The following CDK12 variants were observed in gnomAD, a reference collection of about 807,000 sequenced individuals.
CDK12 encodes cyclin-dependent kinase 12.
Under a neutral mutation model 133.8 loss-of-function variants are expected in CDK12, and 17 were observed. The observed-to-expected ratio is 0.13, with a 90% CI of 0.09 to 0.19. The LOEUF (loss-of-function observed/expected upper bound fraction) is 0.19, where lower values mean the gene tolerates loss of function less well. Among genes scored for constraint, CDK12 ranks in the 10% least tolerant of loss-of-function variants. The pLI is 1.00. For synonymous variants in CDK12, 694 were observed against 683.6 expected (o/e 1.02, Z -0.24); for missense variants, 1,508 against 1,818.7 (o/e 0.83, Z 3.11).
chr17:39,524,908 T>C (rs753775457), intron 12 of CDK12, 23 bp downstream of exon 12: 5 of 1,584,822 alleles, frequency 3.2e-6, no homozygotes, highest in East Asian at 2.2e-5. Context: ...ATGGGGCCTT[T>C]GTGCTTTTGC....
Position 39,463,104 on chromosome 17 carries a change from A to AGTCCACTCCCCAGGTGAGCTATTTGTCT in CDK12, c.1034_1046+15dup. On this transcript the variant is annotated stop_gained and frameshift_variant, in exon 1 of 14. Transcript: ENST00000447079. LOFTEE classifies it high-confidence loss of function. ...CCTGAGCAAGCGGTCTCTGAGTCGG[A>AGTCCACTCCCCAGGTGAGCTATTTGTCT]GTCCACTCCCCAGGTGAGCTATTTG... 1.2e-6 allele frequency: 2 copies of AGTCCACTCCCCAGGTGAGCTATTTGTCT among 1,613,974 alleles called. No individual in the cohort carries two copies. The highest frequency in any genetic ancestry group is 2.2e-5 in the South Asian group (2 of 91,078).
chr17:39,482,031 T>TTTTTTTTTTTTTTTC (rs1567707439), intron 2 of CDK12, among the ~76,000 whole-genome samples: 3 of 147,920 alleles, frequency 2.0e-5, no homozygotes, highest in African/African-American at 4.9e-5. Flanking sequence ...TTTTTTTTTT[T>TTTTTTTTTTTTTTTC]AACAGAGTTT....
intron 7 of CDK12, among the ~76,000 whole-genome samples, chr17:39,511,209 C>T (rs1285433524): frequency 3.4e-5 from 3 of 89,486 alleles, no homozygotes; most frequent in Non-Finnish European, 4.6e-5. Context: ...AGCAAGACAC[C>T]GTCTCAAAAA....
intron 2 of CDK12, 95 bp from the exon 3 acceptor site, chr17:39,490,462 C>G: frequency 1.3e-6 from 1 of 768,294 alleles, no homozygotes. Flanking sequence ...TTAGATCTTT[C>G]TAACCTTTTC....
intron 2 of CDK12, among the ~76,000 whole-genome samples, chr17:39,474,212 A>G (rs1331778286): frequency 6.6e-6 from 1 of 152,218 alleles, no homozygotes; most frequent in Non-Finnish European, 1.5e-5. Context: ...TGTGAATTGC[A>G]TTTATTGAAA....
intron 2 of CDK12, among the ~76,000 whole-genome samples, chr17:39,483,914 G>A (rs2050922077): frequency 6.6e-6 from 1 of 151,666 alleles, no homozygotes; most frequent in Admixed American, 6.6e-5. Flanking sequence ...CATGATCTTG[G>A]CTCACTGCAA....
chr17:39,473,739 G>A (rs993445263), intron 2 of CDK12, among the ~76,000 whole-genome samples: 1 of 152,136 alleles, frequency 6.6e-6, no homozygotes, highest in Admixed American at 6.6e-5. Context: ...ACAAAAATTA[G>A]CTGGGCGTGG....
chr17:39,482,526 C>T (rs1426866726), intron 2 of CDK12, among the ~76,000 whole-genome samples: 1 of 149,484 alleles, frequency 6.7e-6, no homozygotes. Flanking sequence ...CATCTTTGTG[C>T]AGGGGCCATG....
intron 1 of CDK12, among the ~76,000 whole-genome samples, chr17:39,469,957 G>A (rs536106619): frequency 6.6e-6 from 1 of 151,902 alleles, no homozygotes; most frequent in East Asian, 1.9e-4. Flanking sequence ...GCCTTATCCT[G>A]TTTTCACTTT....
chr17:39,544,871 C>A (rs182376139), upstream of CDK12, among the ~76,000 whole-genome samples: 135 of 152,168 alleles, frequency 8.9e-4, no homozygotes, highest in African/African-American at 3.0e-3. Context: ...CTCAGGTAAT[C>A]CGCCCGCCTC....
rs2054818501 is a variant in CDK12 at position 39,531,136 on chromosome 17, A to G, written c.4293A>G (p.Val1431=). 1 of 1,543,314 alleles carries G rather than the reference A, an allele frequency of 6.5e-7. No individual in the cohort carries two copies. Among genetic ancestry groups the G allele is most frequent in the Admixed American group, 2.1e-5 (1 of 48,668 alleles). The part of the protein sequence containing the change: ...LKAEGSSNSV[V]HAETKLQNYG... The stretch of plus-strand genomic sequence containing the variant: ...CTGAGGGAAGCAGCAATTCTGTGGT[A>G]CATGCAGAGACCAAATTGCAAAACT... Residue 1431 remains valine, a synonymous_variant, in exon 14 of 14, where the codon GTA becomes GTG. Transcript: ENST00000447079.
intron 2 of CDK12, among the ~76,000 whole-genome samples, chr17:39,553,936 A>G (rs1383540130): frequency 1.8e-5 from 1 of 56,690 alleles, no homozygotes; most frequent in Non-Finnish European, 4.9e-5. Flanking sequence ...GGAGGCCCCA[A>G]CTATAAAAAA....
chr17:39,507,191 C>T (rs953618442), intron 6 of CDK12, among the ~76,000 whole-genome samples: 3 of 151,848 alleles, frequency 2.0e-5, no homozygotes, highest in East Asian at 1.9e-4. Flanking sequence ...CCACTGCGCC[C>T]GGCCTGTTCT....
chr17:39,564,443 G>T (rs1480363831), intron 3 of CDK12, among the ~76,000 whole-genome samples: 1 of 152,178 alleles, frequency 6.6e-6, no homozygotes, highest in African/African-American at 2.4e-5. Flanking sequence ...AATCCTGAGG[G>T]TTGTAAAGGC....
chr17:39,543,583 A>G (rs1490159982), upstream of CDK12, among the ~76,000 whole-genome samples: 1 of 152,196 alleles, frequency 6.6e-6, no homozygotes, highest in Non-Finnish European at 1.5e-5. Flanking sequence ...GGATCTGCAA[A>G]GTGAATATTG....
At chr17:39,469,906 G>C (rs181221614) in intron 1 of CDK12, among the ~76,000 whole-genome samples, 70 of 151,856 alleles carry the variant, frequency 4.6e-4, no homozygotes, top group Admixed American at 1.6e-3. Flanking sequence ...CAAAGTGCTG[G>C]GATTACAGGC....
In CDK12 at chr17:39,559,879, GA is replaced by G. The variant is rs1334383493; in HGVS notation, n.484+3477del. On this transcript the variant is annotated intron_variant and non_coding_transcript_variant, in intron 3 of 3. Coordinates refer to the CDK12 transcript ENST00000558240. ...TGTTAAAAAAAAAAAAAAAAAGAAA[GA>G]AAAAAAAAAATCCTGGGCTCAAGCC... 9.0e-4 allele frequency among the ~76,000 whole-genome samples: 126 copies of G among 140,754 alleles called. No homozygotes were observed. In the South Asian group the frequency reaches 0.011, roughly 13 times the overall value. The allele number at this position is 140,754 out of a possible 152,430, so 92.3% of individuals were successfully genotyped here.
downstream of CDK12, among the ~76,000 whole-genome samples, chr17:39,539,490 G>A (rs2143676858): frequency 6.6e-6 from 1 of 152,292 alleles, no homozygotes; most frequent in East Asian, 1.9e-4. Context: ...GTTCCTCATG[G>A]TTGTTTGATA....
chr17:39,544,420 C>A (rs1276171399), upstream of CDK12: 1 of 384,026 alleles, frequency 2.6e-6, no homozygotes, highest in South Asian at 2.0e-5. Context: ...TGACCCTACT[C>A]CCATCCCACC....
Sources: gnomAD v4.1 joint callset for allele counts (sites outside exome capture counted in the v4.1 genomes callset) on GRCh38, gnomAD v4.1.1 for gene constraint, MANE v1.5 for transcripts, NCBI Gene and HGNC (gene_info 2026-07-23, HGNC 2026-07-21) for gene names.